Variants in TENM2 observed in about 807,000 individuals in gnomAD.
TENM2 encodes the protein teneurin transmembrane protein 2, also known as teneurin-2.
In TENM2, 52 loss-of-function variants were observed where a neutral mutation model predicts 245.2. That is an observed-to-expected ratio of 0.21 (90% CI 0.17 to 0.27). TENM2 has a LOEUF of 0.27. Among genes scored for constraint, TENM2 ranks in the 10% least tolerant of loss-of-function variants. The pLI is 1.00. For synonymous variants in TENM2, 1,363 were observed against 1,438.9 expected, an observed-to-expected ratio of 0.95 and a Z score of 1.19; for missense variants, 3,046 against 3,666.8, an observed-to-expected ratio of 0.83 and a Z score of 4.37.
chr5:167,518,182 T>G (rs1270793567), intron 2 of TENM2, among the ~76,000 whole-genome samples: 2 of 151,900 alleles, frequency 1.3e-5, no homozygotes, highest in East Asian at 1.9e-4. Flanking sequence ...AAATTAATAG[T>G]TTAAGTTCAT....
At chr5:168,040,394 A>G (rs1018629284) in intron 5 of TENM2, among the ~76,000 whole-genome samples, 1 of 152,030 alleles carries the variant, frequency 6.6e-6, no homozygotes, top group African/African-American at 2.4e-5. Flanking sequence ...CCTTGCAACC[A>G]TTTGGAGCTG....
At chr5:168,007,285 C>A (rs369177819) in intron 5 of TENM2, among the ~76,000 whole-genome samples, 1 of 152,256 alleles carries the variant, frequency 6.6e-6, no homozygotes, top group African/African-American at 2.4e-5. Context: ...CCCGCCATCA[C>A]GCCCACCTAA....
intron 2 of TENM2, among the ~76,000 whole-genome samples, chr5:167,502,915 C>T (rs758898883): frequency 1.2e-4 from 19 of 152,282 alleles, no homozygotes; most frequent in East Asian, 7.7e-4. Flanking sequence ...CTGCAACTTC[C>T]GTCTCCTGGG....
At chr5:167,065,072 A>G in the TENM2 span, among the ~76,000 whole-genome samples, 3 of 152,210 alleles carry the variant, frequency 2.0e-5, no homozygotes, top group East Asian at 5.8e-4. Context: ...ATAAAAATAA[A>G]GTAAATTTTA....
chr5:168,103,448 C>T (rs1793983480), intron 9 of TENM2, among the ~76,000 whole-genome samples: 2 of 152,160 alleles, frequency 1.3e-5, no homozygotes, highest in Admixed American at 1.3e-4. Context: ...TCGTCACGCC[C>T]CCTTCATCCC....
the TENM2 span, among the ~76,000 whole-genome samples, chr5:167,260,377 A>G: frequency 6.6e-6 from 1 of 152,148 alleles, no homozygotes; most frequent in African/African-American, 2.4e-5. Flanking sequence ...TCAAAATCCT[A>G]TTTGCTGATC....
chr5:167,343,855 G>T (rs1035596606), intron 1 of TENM2, among the ~76,000 whole-genome samples: 1 of 151,972 alleles, frequency 6.6e-6, no homozygotes, highest in Non-Finnish European at 1.5e-5. Flanking sequence ...ATAGTGAAAG[G>T]CAGTGGGCTT....
chr5:167,545,374 A>T (rs925518850), intron 2 of TENM2, among the ~76,000 whole-genome samples: 8 of 152,182 alleles, frequency 5.3e-5, no homozygotes, highest in Non-Finnish European at 1.5e-5. Flanking sequence ...GGCCACTTTT[A>T]AAAATAGTCT....
chr5:167,749,157 A>C (rs2150634393), intron 2 of TENM2, among the ~76,000 whole-genome samples: 1 of 152,276 alleles, frequency 6.6e-6, no homozygotes. Context: ...AGAGAAACCG[A>C]GGAAAAACAA....
chr5:167,890,577 A>T (rs557952515), intron 3 of TENM2, among the ~76,000 whole-genome samples: 16 of 152,320 alleles, frequency 1.1e-4, no homozygotes, highest in African/African-American at 3.8e-4. Context: ...GTACATAAAC[A>T]TTCATAATTC....
At chr5:167,776,131 G>A (rs1157444698) in intron 2 of TENM2, among the ~76,000 whole-genome samples, 1 of 88,648 alleles carries the variant, frequency 1.1e-5, no homozygotes, top group Non-Finnish European at 2.1e-5. Flanking sequence ...TATGAATTAT[G>A]ATTGTGGTCC....
At chr5:168,179,088 TC>T (rs1254361745) in intron 13 of TENM2, among the ~76,000 whole-genome samples, 1 of 137,756 alleles carries the variant, frequency 7.3e-6, no homozygotes, top group East Asian at 2.1e-4. Flanking sequence ...TGAGTCGAGA[TC>T]GAGCCACTGC....
intron 28 of TENM2, among the ~76,000 whole-genome samples, chr5:168,260,762 G>A (rs1352115448): frequency 6.6e-6 from 1 of 152,110 alleles, no homozygotes; most frequent in African/African-American, 2.4e-5. Context: ...TTTATGGGAT[G>A]TCATAAAACT....
At chr5:167,839,913 G>A (rs1163923388) in intron 2 of TENM2, among the ~76,000 whole-genome samples, 1 of 152,182 alleles carries the variant, frequency 6.6e-6, no homozygotes, top group East Asian at 1.9e-4. Context: ...CGCCTCCCGG[G>A]TTCAAGCAAT....
At chr5:167,754,958 G>T in intron 2 of TENM2, 1 of 1,487,530 alleles carries the variant, frequency 6.7e-7, no homozygotes, top group Non-Finnish European at 9.0e-7. Flanking sequence ...CCCAGCTGGA[G>T]AAGGCCTCAG....
the TENM2 span, among the ~76,000 whole-genome samples, chr5:167,064,989 T>C: frequency 1.3e-5 from 2 of 152,198 alleles, no homozygotes; most frequent in African/African-American, 4.8e-5. Context: ...GTTTAGACAG[T>C]GGTTATATTT....
the TENM2 span, among the ~76,000 whole-genome samples, chr5:167,028,914 T>G: frequency 2.0e-5 from 3 of 152,082 alleles, no homozygotes; most frequent in African/African-American, 7.2e-5. Flanking sequence ...ACTTATTAGA[T>G]GAGGAGGAAA....
chr5:168,014,734 A>T (rs1327012036), intron 5 of TENM2, among the ~76,000 whole-genome samples: 1 of 152,192 alleles, frequency 6.6e-6, no homozygotes, highest in Non-Finnish European at 1.5e-5. Flanking sequence ...AAATGGAAGG[A>T]TTCCCAAACT....
intron 2 of TENM2, among the ~76,000 whole-genome samples, chr5:167,772,015 A>C (rs1270541288): frequency 6.6e-6 from 1 of 152,148 alleles, no homozygotes; most frequent in Non-Finnish European, 1.5e-5. Context: ...ATTAAGGATG[A>C]TCTTACCTTG....
Sources: gnomAD v4.1 joint callset for allele counts (sites outside exome capture counted in the v4.1 genomes callset) on GRCh38, gnomAD v4.1.1 for gene constraint, MANE v1.5 for transcripts, NCBI Gene and HGNC (gene_info 2026-07-23, HGNC 2026-07-21) for gene names.